CYP2C18: variants seen among roughly 807,000 people sequenced by gnomAD.
CYP2C18 encodes the protein cytochrome P450 family 2 subfamily C member 18.
Under a neutral mutation model 41.3 loss-of-function variants are expected in CYP2C18, and 38 were observed. The ratio of observed to expected loss-of-function variants is 0.92; its 90% confidence interval spans 0.71 to 1.21. The LOEUF is 1.21. CYP2C18 is among the 50% of genes most tolerant of loss of function. The probability of loss-of-function intolerance (pLI) is 0.00; values close to 1 mark genes in which losing one functional copy is unlikely to be tolerated. For missense variants in CYP2C18, 635 were observed against 591.4 expected (o/e 1.07, Z -0.77); for synonymous variants, 236 against 210.0 (o/e 1.12, Z -1.07).
At chr10:94,692,399 G>A (rs1226312070) in intron 3 of CYP2C18, among the ~76,000 whole-genome samples, 1 of 22,032 alleles carries the variant, frequency 4.5e-5, no homozygotes, top group African/African-American at 2.4e-4. Context: ...AGACATTTAT[G>A]CAGCCAAAAA....
chr10:94,693,256 C>A (rs544128289), intron 3 of CYP2C18, among the ~76,000 whole-genome samples: 1 of 152,012 alleles, frequency 6.6e-6, no homozygotes, highest in Non-Finnish European at 1.5e-5. Context: ...TTAGTACCAT[C>A]CCTTTTGGTA....
At position 94,695,068 on chromosome 10, in the gene CYP2C18, A is replaced by G. The variant is rs776173454; in HGVS notation, c.633A>G (p.Pro211=). The change falls in exon 4 of 9, where the codon CCA becomes CCG. Residue 211 remains proline, a synonymous_variant. Transcript: ENST00000285979. The part of the protein sequence containing the change: ...FNENLRILSS[P]WIQVCNNFPA... Reference sequence around the variant, plus strand: ...AAAACCTCAGGATTCTGAGCTCTCCATGGATCCAGGTGAGATCAAGAGCTT... The same window carrying G: ...AAAACCTCAGGATTCTGAGCTCTCCGTGGATCCAGGTGAGATCAAGAGCTT... 6 of 1,611,786 alleles carry G rather than the reference A, an allele frequency of 3.7e-6. No homozygotes were observed. The highest frequency in any genetic ancestry group is 4.2e-6 in the Non-Finnish European group (5 of 1,179,414).
chr10:94,733,867 CTCT>C (rs938648673), intron 8 of CYP2C18, among the ~76,000 whole-genome samples: 29 of 152,090 alleles, frequency 1.9e-4, no homozygotes, highest in African/African-American at 7.0e-4. Context: ...AGAGAATGGG[CTCT>C]TAAGAGGCTC....
At chr10:94,713,120 A>T (rs1211803875) in intron 5 of CYP2C18, among the ~76,000 whole-genome samples, 1 of 151,996 alleles carries the variant, frequency 6.6e-6, no homozygotes, top group Non-Finnish European at 1.5e-5. Flanking sequence ...TTTAATTTTA[A>T]TTTTAAAAGA....
At chr10:94,696,928 A>G (rs56083530) in intron 4 of CYP2C18, among the ~76,000 whole-genome samples, 12,123 of 152,136 alleles carry the variant, frequency 0.08, 548 homozygotes, top group South Asian at 0.12. Context: ...GAAGTTTAGC[A>G]AAAAAAGAAT....
intron 3 of CYP2C18, among the ~76,000 whole-genome samples, chr10:94,692,874 ACATGAATGAAG>A (rs2134178416): frequency 6.6e-6 from 1 of 152,262 alleles, no homozygotes; most frequent in South Asian, 2.1e-4. Flanking sequence ...CTTTGTAAGG[ACATGAATGAAG>A]CTGGAAACCA....
At chr10:94,719,375 T>C (rs1011136009) in intron 5 of CYP2C18, among the ~76,000 whole-genome samples, 9 of 151,814 alleles carry the variant, frequency 5.9e-5, no homozygotes, top group Non-Finnish European at 1.0e-4. Context: ...CCATTTTTGA[T>C]CCCCACGCTT....
intron 4 of CYP2C18, among the ~76,000 whole-genome samples, chr10:94,705,426 GAA>G (rs1847324588): frequency 6.6e-6 from 1 of 152,164 alleles, no homozygotes; most frequent in Non-Finnish European, 1.5e-5. Context: ...ATACCTAGGT[GAA>G]GAGTTTATAG....
Position 94,735,267 on chromosome 10 carries a change from A to G in CYP2C18, c.1296A>G (p.Lys432=), listed in dbSNP as rs763560727. 3.8e-5 allele frequency: 61 copies of G among 1,613,128 alleles called. 1 individual carries two copies. The highest frequency in any genetic ancestry group is 5.0e-5 in the Non-Finnish European group (59 of 1,179,498). Residue 432 remains lysine, a synonymous_variant, in exon 9 of 9, where the codon AAA becomes AAG. Coordinates refer to ENST00000285979, the MANE Select transcript of CYP2C18 (RefSeq NM_000772.3). The part of the protein sequence containing the change: ...SDYFMPFSAG[K]RMCMGEGLAR... ...CCCTATGTCTCTTATTTTCAGGAAA[A>G]CGGATGTGTATGGGAGAGGGCCTGG...
rs1846834653 is a variant in CYP2C18 at position 94,683,941 on chromosome 10, A to G, written c.122A>G (p.Asn41Ser). The change falls in exon 1 of 9, where the codon AAT (asparagine) becomes AGT (serine). Residue 41 changes from asparagine (N) to serine (S), a missense_variant. Transcript: ENST00000285979. ...CCCACTCCTCTCCCGATTATTGGAA[A>G]TATCCTGCAGTTAGATGTTAAGGAC... ...SGPTPLPIIG[N>S]ILQLDVKDMS... is the part of the protein sequence containing the mutation. 6.2e-7 allele frequency: 1 copy of G among 1,610,550 alleles called. No homozygotes were observed. Among genetic ancestry groups the G allele is most frequent in the East Asian group, 2.2e-5 (1 of 44,804 alleles).
chr10:94,687,404 G>A (rs1232723280), intron 1 of CYP2C18, among the ~76,000 whole-genome samples: 4 of 152,184 alleles, frequency 2.6e-5, no homozygotes, highest in African/African-American at 2.4e-5. Context: ...AACTGCTCAG[G>A]CTCACAGCTT....
Position 94,724,391 on chromosome 10 carries a change from G to T in CYP2C18, c.1007G>T (p.Ser336Ile), listed in dbSNP as rs1207535412. 5.0e-6 allele frequency: 8 copies of T among 1,613,442 alleles called. No individual in the cohort carries two copies. The highest frequency in any genetic ancestry group is 6.8e-6 in the Non-Finnish European group (8 of 1,179,658). ...EIECVVGRNR[S>I]PCMQDRSHMP... ...GAATGTGTAGTTGGCAGAAACCGGA[G>T]CCCCTGTATGCAGGACAGGAGTCAC... The change falls in exon 7 of 9, where the codon AGC becomes ATC. Residue 336 changes from serine (S) to isoleucine (I), a missense_variant. Transcript: ENST00000285979.
At chr10:94,697,551 G>T (rs909052473) in intron 4 of CYP2C18, among the ~76,000 whole-genome samples, 1 of 152,122 alleles carries the variant, frequency 6.6e-6, no homozygotes, top group African/African-American at 2.4e-5. Flanking sequence ...GACCATCGAG[G>T]CTGGGAAGAA....
rs558808318 is a variant in CYP2C18 at position 94,702,286 on chromosome 10, C to T, written c.643-4498C>T. 4.5e-4 allele frequency among the ~76,000 whole-genome samples: 69 copies of T among 152,232 alleles called. No individual in the cohort carries two copies. In the South Asian group the frequency reaches 0.014, roughly 31 times the overall value. ...TGAATTTGAATGTTGGCCTGTCTTG[C>T]TAGGTTGGGGAAGTTCTCCTGGATA... On this transcript the variant is annotated intron_variant, in intron 4 of 8. Transcript: ENST00000285979.
intron 4 of CYP2C18, among the ~76,000 whole-genome samples, chr10:94,705,852 C>CT (rs1441902479): frequency 6.6e-6 from 1 of 152,122 alleles, no homozygotes; most frequent in Non-Finnish European, 1.5e-5. Flanking sequence ...AGCTGGAATT[C>CT]AAGCCCATTA....
chr10:94,712,450 C>A (rs1442289163), intron 5 of CYP2C18, among the ~76,000 whole-genome samples: 2 of 151,938 alleles, frequency 1.3e-5, no homozygotes, highest in South Asian at 2.1e-4. Flanking sequence ...ATTTGTTTTC[C>A]TGTTCCTGAC....
intron 4 of CYP2C18, among the ~76,000 whole-genome samples, chr10:94,699,126 TG>T (rs1327645393): frequency 6.6e-6 from 1 of 152,152 alleles, no homozygotes; most frequent in East Asian, 1.9e-4. Flanking sequence ...CTAATGCATT[TG>T]GTGAGGCCAG....
chr10:94,729,959 G>A (rs536125186), intron 7 of CYP2C18, among the ~76,000 whole-genome samples: 23 of 152,250 alleles, frequency 1.5e-4, no homozygotes, highest in South Asian at 8.3e-4. Context: ...AGACAAAACT[G>A]TCCAAACAAC....
chr10:94,720,123 A>G (rs1195582200), intron 5 of CYP2C18, among the ~76,000 whole-genome samples: 1 of 152,180 alleles, frequency 6.6e-6, no homozygotes, highest in Admixed American at 6.5e-5. Context: ...GTACCTGCTT[A>G]TATGTCATAG....
Sources: allele counts gnomAD v4.1 joint callset (sites outside exome capture counted in the v4.1 genomes callset), GRCh38; gene constraint gnomAD v4.1.1; transcripts MANE v1.5; gene names NCBI Gene and HGNC (gene_info 2026-07-23, HGNC 2026-07-21).